RFX4: variants seen among roughly 807,000 people sequenced by gnomAD.
The protein encoded by RFX4 is transcription factor RFX4.
A neutral mutation model predicts 95.0 loss-of-function variants in RFX4; 10 were observed. The ratio of observed to expected loss-of-function variants is 0.11; its 90% confidence interval spans 0.06 to 0.18. The LOEUF (loss-of-function observed/expected upper bound fraction) is 0.18. RFX4 is among the 10% of genes least tolerant of loss of function. The pLI is 1.00. For missense variants in RFX4, 640 were observed against 922.0 expected, an observed-to-expected ratio of 0.69 and a Z score of 3.96; for synonymous variants, 321 against 340.7, an observed-to-expected ratio of 0.94 and a Z score of 0.64.
At chr12:106,602,462 T>C (rs1034665441) in intron 1 of RFX4, among the ~76,000 whole-genome samples, 1 of 152,194 alleles carries the variant, frequency 6.6e-6, no homozygotes, top group Non-Finnish European at 1.5e-5. Flanking sequence ...CAATGTTACA[T>C]AACTAGTAAG....
intron 13 of RFX4, among the ~76,000 whole-genome samples, chr12:106,730,787 G>C (rs991348409): frequency 2.0e-5 from 3 of 152,162 alleles, no homozygotes; most frequent in Admixed American, 6.5e-5. Context: ...GATCACCTGA[G>C]GTCAGGAGTT....
intron 15 of RFX4, 50 bp downstream of exon 15, chr12:106,733,135 G>C: frequency 1.9e-6 from 3 of 1,589,080 alleles, no homozygotes; most frequent in Non-Finnish European, 2.6e-6. Flanking sequence ...TTGAAGAAAG[G>C]GCTTTCTGCC....
intron 2 of RFX4, among the ~76,000 whole-genome samples, chr12:106,634,608 T>C (rs114585152): frequency 0.027 from 4,085 of 152,272 alleles, 170 homozygotes; most frequent in African/African-American, 0.093. Context: ...CTGGATCCAC[T>C]CTGCCACACC....
At chr12:106,623,954 T>G (rs190987721) in intron 2 of RFX4, among the ~76,000 whole-genome samples, 37 of 152,390 alleles carry the variant, frequency 2.4e-4, no homozygotes, top group African/African-American at 8.7e-4. Context: ...TATGTCTTTC[T>G]GCTGAGTCCC....
At chr12:106,612,375 C>T (rs1170387270) in intron 2 of RFX4, among the ~76,000 whole-genome samples, 1 of 152,144 alleles carries the variant, frequency 6.6e-6, no homozygotes, top group Non-Finnish European at 1.5e-5. Flanking sequence ...TGCTATTGTA[C>T]ATGAAATTTT....
In RFX4 at chr12:106,606,985, T is replaced by C. The variant is rs979488762; in HGVS notation, c.44-1812T>C. ...ATCCCTCTAAATCCCAGTTGCTTTC[T>C]AGGAAAAACAGAGATTAAAATCCTT... On this transcript the variant is annotated intron_variant, in intron 1 of 17. Coordinates refer to ENST00000392842, the MANE Select transcript of RFX4 (RefSeq NM_213594.3). 2.6e-5 allele frequency among the ~76,000 whole-genome samples: 4 copies of C among 152,156 alleles called. No individual in the cohort carries two copies. The East Asian group carries it at 5.8e-4, about 22-fold the overall frequency.
At chr12:106,671,226 C>A (rs554815148) in intron 4 of RFX4, among the ~76,000 whole-genome samples, 9 of 152,274 alleles carry the variant, frequency 5.9e-5, no homozygotes, top group African/African-American at 2.2e-4. Context: ...TAGATCACTT[C>A]TTGTTGATGG....
rs888805645 is a variant in RFX4, at chr12:106,720,070, C to T, written c.1233+16C>T. ...TGTTGTGAAGGTTGGTAAACCGGCA[C>T]CTAGCGGGCAGCCTTGGGCCCTGCA... On this transcript the variant is annotated intron_variant, in intron 12 of 17. Transcript: ENST00000392842. This position sits in a 1 kb window ranked among gnomAD's most constrained non-coding sequence, Gnocchi z 4.2. The T allele has an allele frequency of 2.5e-6, 4 of 1,610,856 alleles. No homozygotes were observed. Among genetic ancestry groups the T allele is most frequent in the Non-Finnish European group, 3.4e-6 (4 of 1,177,268 alleles).
intron 8 of RFX4, among the ~76,000 whole-genome samples, chr12:106,699,264 T>G (rs748073097): frequency 3.3e-5 from 5 of 152,184 alleles, no homozygotes; most frequent in Admixed American, 6.5e-5. Flanking sequence ...CTTCTGGTCA[T>G]ATTATATACA....
chr12:106,715,682 T>G (rs1313991042), intron 11 of RFX4, 138 bp downstream of exon 11: 44 of 976,386 alleles, frequency 4.5e-5, no homozygotes, highest in Non-Finnish European at 6.5e-5. Context: ...TATTGTTCCT[T>G]TTAAATGAGT....
intron 15 of RFX4, among the ~76,000 whole-genome samples, chr12:106,741,176 G>C (rs2042797679): frequency 6.6e-6 from 1 of 152,066 alleles, no homozygotes; most frequent in South Asian, 2.1e-4. Context: ...GGTCTCTTTA[G>C]ACACAGCTGT....
In RFX4 at chr12:106,762,353, A is replaced by C. The variant is rs760945359; in HGVS notation, c.*884A>C. On this transcript the variant is annotated 3_prime_UTR_variant, in exon 18 of 18. Transcript: ENST00000392842. ...GGATGGAACAAACTTTAACTTACCA[A>C]GCACCAAGTGTGAAAGTGACTTTCA... 6.6e-6 allele frequency: 1 copy of C among 152,642 alleles called. No homozygotes were observed. The highest frequency in any genetic ancestry group is 1.5e-5 in the Non-Finnish European group (1 of 68,044). The allele number at this position is 152,642 out of a possible 1,614,324, so 9.5% of individuals were successfully genotyped here. A position where few individuals can be genotyped will look rare whatever the true frequency, so the allele number is the denominator to read the frequency against.
chr12:106,730,995 G>A lies in RFX4; in HGVS notation c.1352-1135G>A, dbSNP rs192659527. Among the ~76,000 whole-genome samples the A allele has an allele frequency of 2.1e-4, 32 of 151,758 alleles. No homozygotes were observed. In the East Asian group the frequency reaches 3.1e-3, roughly 15 times the overall value. On this transcript the variant is annotated intron_variant, in intron 13 of 17. Coordinates refer to ENST00000392842, the MANE Select transcript of RFX4 (RefSeq NM_213594.3). Reference sequence around the variant, plus strand: ...AGCCTGGGCAAGGTAGTGAGACTCCGTCTCAAAAAAAAAAGTCTCTAAAAA... The same window carrying A: ...AGCCTGGGCAAGGTAGTGAGACTCCATCTCAAAAAAAAAAGTCTCTAAAAA...
chr12:106,589,784 C>T (rs1400804927), intron 1 of RFX4, among the ~76,000 whole-genome samples: 9 of 152,172 alleles, frequency 5.9e-5, no homozygotes, highest in African/African-American at 2.2e-4. Context: ...CTTCCCTGGG[C>T]TCCAGAGAAA....
intron 4 of RFX4, among the ~76,000 whole-genome samples, chr12:106,673,367 C>G (rs1462024132): frequency 1.3e-5 from 2 of 152,228 alleles, no homozygotes; most frequent in Admixed American, 6.5e-5. Flanking sequence ...TTGCCCTGCA[C>G]TCTTGTCCCA....
intron 1 of RFX4, among the ~76,000 whole-genome samples, chr12:106,599,408 G>C (rs1159743371): frequency 1.3e-5 from 2 of 152,044 alleles, no homozygotes; most frequent in African/African-American, 4.8e-5. Context: ...AGTTAGGTTC[G>C]AGTCAGATTC....
chr12:106,667,757 G>T (rs899072850), intron 4 of RFX4, among the ~76,000 whole-genome samples: 1 of 152,144 alleles, frequency 6.6e-6, no homozygotes, highest in Non-Finnish European at 1.5e-5. Context: ...AAGAAGAATT[G>T]TTGATTTTTC....
chr12:106,599,496 T>A (rs2039668678), intron 1 of RFX4, among the ~76,000 whole-genome samples: 1 of 151,908 alleles, frequency 6.6e-6, no homozygotes, highest in Non-Finnish European at 1.5e-5. Flanking sequence ...ATGATGATGA[T>A]GATGATGATG....
At chr12:106,661,359 G>C (rs898096083) in intron 4 of RFX4, among the ~76,000 whole-genome samples, 1 of 152,220 alleles carries the variant, frequency 6.6e-6, no homozygotes, top group African/African-American at 2.4e-5. Context: ...GAGATGCTGT[G>C]ATCTGGGTTT....
Sources: allele counts gnomAD v4.1 joint callset (sites outside exome capture counted in the v4.1 genomes callset), GRCh38; gene constraint gnomAD v4.1.1; non-coding constraint Gnocchi (gnomAD v3.1); transcripts MANE v1.5; gene names NCBI Gene and HGNC (gene_info 2026-07-23, HGNC 2026-07-21).